The following PRUNE2 variants were observed in gnomAD, a reference collection of about 807,000 sequenced individuals.
PRUNE2 encodes the protein protein prune homolog 2.
PRUNE2 carries 164 observed loss-of-function variants against 252.0 expected under a neutral mutation model. That is an observed-to-expected ratio of 0.65 (90% CI 0.57 to 0.74). PRUNE2 has a LOEUF of 0.74. Among genes scored for constraint, PRUNE2 ranks in the 30% least tolerant of loss-of-function variants. The pLI, the probability that PRUNE2 is intolerant of heterozygous loss-of-function variation, is 0.00. For missense variants in PRUNE2, 3,495 were observed against 3,711.0 expected, an observed-to-expected ratio of 0.94 and a Z score of 1.51; for synonymous variants, 1,292 against 1,350.2, an observed-to-expected ratio of 0.96 and a Z score of 0.94.
intron 3 of PRUNE2, among the ~76,000 whole-genome samples, chr9:76,847,415 T>A (rs2132481087): frequency 6.6e-6 from 1 of 151,540 alleles, no homozygotes; most frequent in Non-Finnish European, 1.5e-5. Flanking sequence ...CCCCATTGTA[T>A]AAGTTTTTTT....
chr9:76,647,241 T>G (rs1190467936), intron 11 of PRUNE2, among the ~76,000 whole-genome samples: 1 of 152,228 alleles, frequency 6.6e-6, no homozygotes, highest in African/African-American at 2.4e-5. Context: ...CACATAAATA[T>G]AGTCAACTGA....
intron 17 of PRUNE2, among the ~76,000 whole-genome samples, chr9:76,620,281 A>C (rs918402034): frequency 1.3e-5 from 2 of 151,958 alleles, no homozygotes; most frequent in African/African-American, 2.4e-5. Context: ...CTGGGACTAC[A>C]GCTGCATGCC....
chr9:76,861,560 C>A (rs1326441550), intron 1 of PRUNE2, among the ~76,000 whole-genome samples: 1 of 152,000 alleles, frequency 6.6e-6, no homozygotes, highest in Admixed American at 6.5e-5. Context: ...AGCCTCAGTT[C>A]CCCCCGGTCA....
chr9:76,825,643 T>C (rs903415106), intron 5 of PRUNE2, among the ~76,000 whole-genome samples: 5 of 152,238 alleles, frequency 3.3e-5, no homozygotes, highest in East Asian at 1.9e-4. Flanking sequence ...GTGTTTGATG[T>C]TGGGAAAGCA....
At position 76,708,415 on chromosome 9, in the gene PRUNE2, C is replaced by G; in HGVS notation, c.3859G>C (p.Asp1287His). The G allele has an allele frequency of 6.2e-7, 1 of 1,613,850 alleles. No individual in the cohort carries two copies. Among genetic ancestry groups the G allele is most frequent in the Non-Finnish European group, 8.5e-7 (1 of 1,179,884 alleles). ...CTTTGCAGGGTTTCCCTCTCTGTGTCCTGCTTGTCAAGATGAGATATAAGT... is the reference window on the plus strand; with the variant it reads ...CTTTGCAGGGTTTCCCTCTCTGTGTGCTGCTTGTCAAGATGAGATATAAGT... ...EALISHLDKQ[D>H]TERETLQSDA... is the part of the protein sequence containing the mutation. Residue 1287 changes from aspartate (D) to histidine (H), a missense_variant, in exon 8 of 19, where the codon GAC (aspartate) becomes CAC (histidine). Physicochemically the swap from Asp to His is moderately conservative, Grantham distance 81. Transcript: ENST00000376718.
At chr9:76,756,082 C>T (rs1008103696) in intron 6 of PRUNE2, among the ~76,000 whole-genome samples, 4 of 152,154 alleles carry the variant, frequency 2.6e-5, no homozygotes, top group Non-Finnish European at 5.9e-5. Flanking sequence ...CAACCACCAG[C>T]TTTGGCTACT....
chr9:76,648,729 TA>T (rs2133129444), intron 11 of PRUNE2, among the ~76,000 whole-genome samples: 1 of 152,334 alleles, frequency 6.6e-6, no homozygotes, highest in African/African-American at 2.4e-5. Context: ...CAATGGTGGA[TA>T]AATGCTGCCA....
intron 4 of PRUNE2, among the ~76,000 whole-genome samples, chr9:76,826,995 G>GA (rs568230547): frequency 6.6e-4 from 100 of 151,968 alleles, no homozygotes; most frequent in African/African-American, 2.3e-3. Context: ...ACAGATAAAG[G>GA]AAAAAAATGT....
rs555686283 is a variant in PRUNE2 at position 76,707,777 on chromosome 9, A to T, written c.4497T>A (p.Asp1499Glu). ...CAGAACATGTGCTGCTGACATGCAC[A>T]TCACTGTCTATAGGGACGTCCCCAA... ...LDFGDVPIDS[D>E]VHVSSTCSEI... is the part of the protein sequence containing the mutation. The change falls in exon 8 of 19, where the codon GAT (aspartate) becomes GAA (glutamate). Residue 1499 changes from aspartate to glutamate, a missense_variant. Physicochemically the swap from Asp to Glu is conservative, Grantham distance 45. Transcript: ENST00000376718. 74 of 1,613,466 alleles carry T rather than the reference A, an allele frequency of 4.6e-5. No homozygotes were observed. The highest frequency in any genetic ancestry group is 5.9e-5 in the Non-Finnish European group (70 of 1,179,632).
At chr9:76,700,440 G>A (rs1393737399) in intron 9 of PRUNE2, among the ~76,000 whole-genome samples, 1 of 152,034 alleles carries the variant, frequency 6.6e-6, no homozygotes, top group Non-Finnish European at 1.5e-5. Context: ...TTTTGCTTCT[G>A]TGATTACCTT....
intron 6 of PRUNE2, among the ~76,000 whole-genome samples, chr9:76,746,092 C>A (rs894879413): frequency 6.6e-6 from 1 of 152,198 alleles, no homozygotes; most frequent in Non-Finnish European, 1.5e-5. Flanking sequence ...ACCCAGAGGG[C>A]AGCAGGATGT....
At chr9:76,732,716 T>G (rs1437742704) in intron 6 of PRUNE2, among the ~76,000 whole-genome samples, 1 of 152,232 alleles carries the variant, frequency 6.6e-6, no homozygotes, top group African/African-American at 2.4e-5. Context: ...TGTTCCCAGC[T>G]TCTAGCACGT....
chr9:76,888,945 C>T (rs558004898), intron 1 of PRUNE2, among the ~76,000 whole-genome samples: 5 of 152,214 alleles, frequency 3.3e-5, no homozygotes, highest in Admixed American at 2.6e-4. Context: ...CAGGTTCAAG[C>T]GATTCTCCTG....
At chr9:76,846,019 G>C (rs2059652846) in intron 4 of PRUNE2, among the ~76,000 whole-genome samples, 1 of 152,210 alleles carries the variant, frequency 6.6e-6, no homozygotes, top group African/African-American at 2.4e-5. Flanking sequence ...TATGTTACAA[G>C]ACAGGGGAGC....
At chr9:76,899,583 G>C (rs1457656951) in intron 1 of PRUNE2, among the ~76,000 whole-genome samples, 1 of 152,080 alleles carries the variant, frequency 6.6e-6, no homozygotes, top group African/African-American at 2.4e-5. Context: ...CTTGCCTTTA[G>C]GGTTTATTAA....
At chr9:76,783,688 G>C (rs914150921) in intron 6 of PRUNE2, 13 of 152,178 alleles carry the variant, frequency 8.5e-5, no homozygotes, top group African/African-American at 2.9e-4. Context: ...TCCTCAAATG[G>C]TCGTATGTAT....
chr9:76,638,349 G>T, intron 12 of PRUNE2, 61 bp from the exon 13 acceptor site: 2 of 1,091,200 alleles, frequency 1.8e-6, no homozygotes, highest in African/African-American at 3.1e-5. Flanking sequence ...GGTAATATCT[G>T]ACCTAATGGA....
chr9:76,646,917 G>C (rs1845118735), intron 11 of PRUNE2, among the ~76,000 whole-genome samples: 1 of 152,134 alleles, frequency 6.6e-6, no homozygotes. Flanking sequence ...GATTGGGTGT[G>C]GTGGCTCAAG....
chr9:76,891,719 C>A (rs990862607), intron 1 of PRUNE2, among the ~76,000 whole-genome samples: 3 of 152,196 alleles, frequency 2.0e-5, no homozygotes, highest in African/African-American at 7.2e-5. Flanking sequence ...ATGAGACCTT[C>A]AAACTATCTT....
Sources: allele counts gnomAD v4.1 joint callset (sites outside exome capture counted in the v4.1 genomes callset), GRCh38; gene constraint gnomAD v4.1.1; transcripts MANE v1.5; gene names NCBI Gene and HGNC (gene_info 2026-07-23, HGNC 2026-07-21).